The following NDST4 variants were observed in gnomAD, a reference collection of about 807,000 sequenced individuals.
NDST4 encodes N-deacetylase and N-sulfotransferase 4, also known as N-heparan sulfate sulfotransferase 4.
A neutral mutation model predicts 100.8 loss-of-function variants in NDST4; 63 were observed. The observed-to-expected ratio is 0.62, with a 90% confidence interval of 0.51 to 0.77. The LOEUF is 0.77. Ranked by LOEUF, NDST4 falls within the 30% of genes least tolerant of loss-of-function variation. The pLI is 0.00. For missense variants in NDST4, 943 were observed against 1,018.4 expected (o/e 0.93, Z 1.01); for synonymous variants, 377 against 361.8 (o/e 1.04, Z -0.48).
chr4:114,855,919 C>T (rs1723783621), intron 7 of NDST4, among the ~76,000 whole-genome samples: 5 of 152,050 alleles, frequency 3.3e-5, no homozygotes, highest in Admixed American at 1.3e-4. Flanking sequence ...TTTTGCTTTT[C>T]TATAAAATTG....
At position 114,988,352 on chromosome 4, in the gene NDST4, C is replaced by CTTTTTTTTTTT. The variant is rs991019823; in HGVS notation, c.979-11089_979-11079dup. On this transcript the variant is annotated intron_variant, in intron 2 of 13. Coordinates refer to ENST00000264363, the MANE Select transcript of NDST4 (RefSeq NM_022569.3). ...TTTGTAAGCACACAGATACACATATCTTTTTTTTTTTTTTTTTTTTTTTTT... is the reference window on the plus strand; with the variant it reads ...TTTGTAAGCACACAGATACACATATCTTTTTTTTTTTTTTTTTTTTTTTTTTTTTTTTTTTT... Among the ~76,000 whole-genome samples, 60 of 64,204 alleles carry CTTTTTTTTTTT rather than the reference C, an allele frequency of 9.3e-4. 7 individuals are homozygous for CTTTTTTTTTTT. The highest frequency in any genetic ancestry group is 1.1e-3 in the Admixed American group (6 of 5,276). The allele number at this position is 64,204 out of a possible 152,430, so 42.1% of individuals were successfully genotyped here.
chr4:114,887,025 T>C (rs1724493699), intron 6 of NDST4, among the ~76,000 whole-genome samples: 1 of 152,164 alleles, frequency 6.6e-6, no homozygotes, highest in Non-Finnish European at 1.5e-5. Flanking sequence ...ACGAGGTACA[T>C]AATGGCCACT....
chr4:115,079,873 T>G (rs1014630610), intron 1 of NDST4, among the ~76,000 whole-genome samples: 7 of 152,160 alleles, frequency 4.6e-5, no homozygotes, highest in African/African-American at 1.7e-4. Flanking sequence ...TAATTTAAGT[T>G]TTAAAAATCT....
chr4:114,927,314 A>G (rs1380299741), intron 6 of NDST4, among the ~76,000 whole-genome samples: 1 of 151,954 alleles, frequency 6.6e-6, no homozygotes, highest in Admixed American at 6.6e-5. Context: ...TTCTTAGTAC[A>G]AGATGAACTA....
chr4:114,881,062 A>G (rs1316513729), intron 6 of NDST4, among the ~76,000 whole-genome samples: 1 of 152,110 alleles, frequency 6.6e-6, no homozygotes, highest in Non-Finnish European at 1.5e-5. Flanking sequence ...TAAATCTTTT[A>G]AACTGTTGAG....
At position 114,845,897 on chromosome 4, in the gene NDST4, C is replaced by T. The variant is rs369719779; in HGVS notation, c.2041G>A (p.Ala681Thr). ...FHSEEAPRRA[A>T]SLVPKAKIIT... The stretch of plus-strand genomic sequence containing the variant: ...ATCTTGGCTTTGGGGACAAGAGATG[C>T]GGCTCGTCTTGGAGCTTCTTCCGAA... The change falls in exon 10 of 14, where the codon GCA becomes ACA. Residue 681 changes from alanine to threonine, a missense_variant. Physicochemically the swap from Ala to Thr is moderately conservative, Grantham distance 58 (BLOSUM62 0). Coordinates refer to ENST00000264363, the MANE Select transcript of NDST4 (RefSeq NM_022569.3). The T allele has an allele frequency of 6.8e-6, 11 of 1,613,972 alleles. No individual in the cohort carries two copies. Among genetic ancestry groups the T allele is most frequent in the East Asian group, 6.7e-5 (3 of 44,856 alleles).
intron 7 of NDST4, among the ~76,000 whole-genome samples, chr4:114,869,967 A>T: frequency 6.6e-6 from 1 of 152,152 alleles, no homozygotes; most frequent in East Asian, 1.9e-4. Flanking sequence ...AGTCTGTTTC[A>T]CAGTAATTTC....
chr4:115,110,234 T>G (rs1292637250), intron 1 of NDST4, among the ~76,000 whole-genome samples: 1 of 151,960 alleles, frequency 6.6e-6, no homozygotes, highest in Non-Finnish European at 1.5e-5. Flanking sequence ...CTTCTTAAGC[T>G]TGCTGAAAAT....
intron 3 of NDST4, among the ~76,000 whole-genome samples, chr4:114,976,387 AG>A (rs1726634548): frequency 1.3e-5 from 2 of 152,056 alleles, no homozygotes; most frequent in South Asian, 4.1e-4. Context: ...CACATAGTTT[AG>A]TACTCTTTTT....
intron 8 of NDST4, among the ~76,000 whole-genome samples, chr4:114,848,670 G>C (rs1723609125): frequency 6.6e-6 from 1 of 152,220 alleles, no homozygotes; most frequent in East Asian, 1.9e-4. Flanking sequence ...TGAAGGGCAA[G>C]GGTCCTTCTG....
chr4:114,833,484 C>A, intron 12 of NDST4, 122 bp downstream of exon 12: 1 of 658,584 alleles, frequency 1.5e-6, no homozygotes, highest in Non-Finnish European at 2.7e-6. Context: ...CCTTTGATTG[C>A]TTGTAGGTAG....
At chr4:114,905,187 C>T (rs933623786) in intron 6 of NDST4, among the ~76,000 whole-genome samples, 2 of 150,314 alleles carry the variant, frequency 1.3e-5, no homozygotes, top group Admixed American at 6.6e-5. Context: ...GTAGCCTCAA[C>T]CTAGTTAATA....
intron 2 of NDST4, among the ~76,000 whole-genome samples, chr4:115,057,814 A>G (rs1728733903): frequency 6.6e-6 from 1 of 152,112 alleles, no homozygotes; most frequent in Non-Finnish European, 1.5e-5. Context: ...AATGGATGAA[A>G]TTAATAGATT....
chr4:114,831,233 T>C (rs943871657), intron 12 of NDST4, among the ~76,000 whole-genome samples: 2 of 150,254 alleles, frequency 1.3e-5, no homozygotes, highest in East Asian at 3.9e-4. Flanking sequence ...TTTGTATTTT[T>C]AGTAGAGACG....
At chr4:114,984,082 C>G (rs548349551) in intron 2 of NDST4, among the ~76,000 whole-genome samples, 1 of 152,242 alleles carries the variant, frequency 6.6e-6, no homozygotes, top group Non-Finnish European at 1.5e-5. Context: ...AATTAAACTT[C>G]TTTCTTTCTA....
In NDST4 at chr4:114,921,037, C is replaced by T. The variant is rs914057613; in HGVS notation, c.1536+14169G>A. ...GCCATAATTCTATGTATTCCTTATT[C>T]GAGCTAAACTTCTGCCACAGTCAGT... On this transcript the variant is annotated intron_variant, in intron 6 of 13. Coordinates refer to ENST00000264363, the MANE Select transcript of NDST4 (RefSeq NM_022569.3). 4.6e-5 allele frequency among the ~76,000 whole-genome samples: 7 copies of T among 152,202 alleles called. No individual in the cohort carries two copies. The South Asian group carries it at 8.3e-4, about 18-fold the overall frequency.
At chr4:114,960,440 T>C (rs1235675463) in intron 4 of NDST4, among the ~76,000 whole-genome samples, 1 of 151,782 alleles carries the variant, frequency 6.6e-6, no homozygotes, top group African/African-American at 2.4e-5. Flanking sequence ...ACCCCGTCTC[T>C]ATTAAAAATA....
At chr4:114,963,520 T>A (rs916033398) in intron 4 of NDST4, among the ~76,000 whole-genome samples, 1 of 152,208 alleles carries the variant, frequency 6.6e-6, no homozygotes, top group African/African-American at 2.4e-5. Flanking sequence ...TGCACAGATC[T>A]GTGAATACAC....
chr4:115,101,228 G>T (rs564153518), intron 1 of NDST4, among the ~76,000 whole-genome samples: 40 of 152,218 alleles, frequency 2.6e-4, no homozygotes, highest in African/African-American at 9.4e-4. Flanking sequence ...CATGATAAGT[G>T]TAATAGTGGG....
Sources: gnomAD v4.1 joint callset for allele counts (sites outside exome capture counted in the v4.1 genomes callset) on GRCh38, gnomAD v4.1.1 for gene constraint, MANE v1.5 for transcripts, NCBI Gene and HGNC (gene_info 2026-07-23, HGNC 2026-07-21) for gene names.